VIRMA: variants seen among roughly 807,000 people sequenced by gnomAD.
VIRMA encodes the protein vir like m6A methyltransferase associated, also known as protein virilizer homolog.
A neutral mutation model predicts 182.4 loss-of-function variants in VIRMA; 65 were observed. That is an observed-to-expected ratio of 0.36 (90% CI 0.29 to 0.44). VIRMA has a LOEUF of 0.44. Ranked by LOEUF, VIRMA falls within the 20% of genes least tolerant of loss-of-function variation. The pLI, the probability that VIRMA is intolerant of heterozygous loss-of-function variation, is 1.00. For synonymous variants in VIRMA, 709 were observed against 743.1 expected, an observed-to-expected ratio of 0.95 and a Z score of 0.75; for missense variants, 1,752 against 2,158.1, an observed-to-expected ratio of 0.81 and a Z score of 3.73.
rs1188116705 is a variant in VIRMA at position 94,506,581 on chromosome 8, C to T, written c.4016G>A (p.Ser1339Asn). 2 of 1,613,464 alleles carry T rather than the reference C, an allele frequency of 1.2e-6. No individual in the cohort carries two copies. Among genetic ancestry groups the T allele is most frequent in the East Asian group, 2.2e-5 (1 of 44,846 alleles). Residue 1339 changes from serine (S) to asparagine (N), a missense_variant, in exon 16 of 24, where the codon AGC becomes AAC. Ser to Asn is a conservative substitution (Grantham distance 46). Coordinates refer to ENST00000297591, the MANE Select transcript of VIRMA (RefSeq NM_015496.5). ...CLLATLANSE[S>N]SYNCLLTCVR... is the part of the protein sequence containing the mutation. ...ACATGTCAGTAAACAGTTGTAACTG[C>T]TCTCAGAGTTAGCTAGCGTAGCCAA...
At chr8:94,502,362 C>T (rs10956915) in intron 16 of VIRMA, among the ~76,000 whole-genome samples, 35,922 of 151,452 alleles carry the variant, frequency 0.24, 5,293 homozygotes, top group East Asian at 0.5. Flanking sequence ...GACAAAAACA[C>T]CCACCAAGTA....
chr8:94,530,879 C>G, intron 6 of VIRMA, 84 bp downstream of exon 6: 2 of 1,461,734 alleles, frequency 1.4e-6, no homozygotes, highest in Non-Finnish European at 9.2e-7. Flanking sequence ...CCACCCTGGG[C>G]AACAGAGTGA....
At chr8:94,512,200 C>G (rs919881378) in intron 11 of VIRMA, 111 bp from the exon 12 acceptor site, 2 of 382,038 alleles carry the variant, frequency 5.2e-6, no homozygotes, top group Non-Finnish European at 9.3e-6. Flanking sequence ...TAAGAACATA[C>G]AATATTTTAT....
chr8:94,529,010 A>C (rs1815064972), intron 7 of VIRMA, 60 bp downstream of exon 7: 4 of 1,579,994 alleles, frequency 2.5e-6, no homozygotes, highest in Middle Eastern at 1.7e-4. Context: ...GCATTTTTCA[A>C]AGCTGTATCG....
chr8:94,541,564 T>C, intron 2 of VIRMA, among the ~76,000 whole-genome samples: 1 of 152,048 alleles, frequency 6.6e-6, no homozygotes, highest in South Asian at 2.1e-4. Flanking sequence ...TTTTTTAAGA[T>C]GGAGTCTCGC....
chr8:94,492,562 G>A (rs577109835), intron 21 of VIRMA, 90 bp downstream of exon 21: 60 of 1,154,226 alleles, frequency 5.2e-5, no homozygotes, highest in African/African-American at 1.9e-4. Flanking sequence ...GTGAGCCACC[G>A]CGCTCGGCCG....
intron 19 of VIRMA, 143 bp downstream of exon 19, chr8:94,495,588 A>G: frequency 4.0e-6 from 2 of 495,000 alleles, no homozygotes; most frequent in Non-Finnish European, 6.9e-6. Flanking sequence ...AAAGAAGAAT[A>G]CACAACAGAG....
In VIRMA at chr8:94,496,442, C is replaced by T. The variant is rs776203727; in HGVS notation, c.4269G>A (p.Glu1423=). ...TCATCGTCCGTGATGTATGAGCTCC[C>T]TCTACTTCCATGAGACCATTATCAT... ...CGDDNGLMEV[E]GAHTSRTMSI... Residue 1423 remains glutamate, a synonymous_variant, in exon 18 of 24, where the codon GAG becomes GAA. Coordinates refer to ENST00000297591, the MANE Select transcript of VIRMA (RefSeq NM_015496.5). 5 of 1,613,326 alleles carry T rather than the reference C, an allele frequency of 3.1e-6. No homozygotes were observed. In the South Asian group the frequency reaches 5.5e-5, roughly 18 times the overall value.
chr8:94,501,305 T>G (rs1364542167), intron 16 of VIRMA, among the ~76,000 whole-genome samples: 2 of 89,512 alleles, frequency 2.2e-5, no homozygotes, highest in African/African-American at 9.2e-5. Flanking sequence ...AGGGAAAAAA[T>G]AAGAATGCAG....
rs1563473357 is a variant in VIRMA at position 94,527,155 on chromosome 8, G to C, written c.1089C>G (p.Ile363Met). Residue 363 changes from isoleucine (I) to methionine (M), a missense_variant, in exon 8 of 24, where the codon ATC (isoleucine) becomes ATG (methionine). Transcript: ENST00000297591. Reference sequence around the variant, plus strand: ...CTGGACCTTGATCCTTCATTCTACTGATTTCAATTTCAAAAGTAGTCTTGT... The same window carrying C: ...CTGGACCTTGATCCTTCATTCTACTCATTTCAATTTCAAAAGTAGTCTTGT... ...CPYKTTFEIE[I>M]SRMKDQGPDK... The C allele has an allele frequency of 1.2e-6, 2 of 1,613,996 alleles. No homozygotes were observed. The highest frequency in any genetic ancestry group is 2.7e-5 in the African/African-American group (2 of 74,992).
chr8:94,547,108 G>T (rs1227169191), intron 1 of VIRMA: 1 of 430,510 alleles, frequency 2.3e-6, no homozygotes, highest in East Asian at 7.0e-5. Context: ...TTATCTAGCT[G>T]AATTGTAATT....
rs375911510 is a variant in VIRMA, at chr8:94,550,875, C to T, written c.63+2510G>A. Among the ~76,000 whole-genome samples, 7 of 152,180 alleles carry T rather than the reference C, an allele frequency of 4.6e-5. No individual in the cohort carries two copies. The East Asian group carries it at 5.8e-4, about 13-fold the overall frequency. On this transcript the variant is annotated intron_variant, in intron 1 of 23. Transcript: ENST00000297591. ...CTGGGACTATAGACGCACACCGCCA[C>T]GCCCAGCTAATTTTTTGTATTTTAG... is the stretch of plus-strand genomic sequence containing the variant.
intron 16 of VIRMA, among the ~76,000 whole-genome samples, chr8:94,499,954 G>A (rs1322033136): frequency 6.6e-6 from 1 of 150,872 alleles, no homozygotes; most frequent in Non-Finnish European, 1.5e-5. Context: ...GAGGAGGTGA[G>A]GCAGAAGAAT....
intron 4 of VIRMA, among the ~76,000 whole-genome samples, chr8:94,536,309 C>G (rs1475056954): frequency 6.6e-6 from 1 of 152,070 alleles, no homozygotes; most frequent in Non-Finnish European, 1.5e-5. Flanking sequence ...GATTTAATAC[C>G]CATCCCCCCC....
At chr8:94,496,758 A>T (rs1056918075) in intron 17 of VIRMA, 1 of 289,274 alleles carries the variant, frequency 3.5e-6, no homozygotes, top group African/African-American at 2.2e-5. Context: ...CAGTTGTAGG[A>T]CGTGACACAC....
chr8:94,550,790 C>G (rs1234899335), intron 1 of VIRMA, among the ~76,000 whole-genome samples: 1 of 152,094 alleles, frequency 6.6e-6, no homozygotes, highest in African/African-American at 2.4e-5. Flanking sequence ...GTGATCTTGG[C>G]TCACAGCAAC....
chr8:94,507,891 A>ATGTATATATATGTATATG (rs1563461444), intron 15 of VIRMA, among the ~76,000 whole-genome samples: 9 of 129,600 alleles, frequency 6.9e-5, no homozygotes, highest in Non-Finnish European at 1.4e-4. Context: ...ACATGTATAT[A>ATGTATATATATGTATATG]TGTATATATA....
chr8:94,531,503 G>A (rs573758455), intron 5 of VIRMA, among the ~76,000 whole-genome samples: 166 of 151,992 alleles, frequency 1.1e-3, no homozygotes, highest in African/African-American at 3.4e-3. Flanking sequence ...TAATAACATC[G>A]GAATTTCTGA....
intron 1 of VIRMA, among the ~76,000 whole-genome samples, chr8:94,551,749 G>T (rs372390486): frequency 5.9e-5 from 9 of 152,144 alleles, no homozygotes; most frequent in East Asian, 5.8e-4. Flanking sequence ...TTTCGAGACA[G>T]GGTCTCACTC....
Sources: allele counts gnomAD v4.1 joint callset (sites outside exome capture counted in the v4.1 genomes callset), GRCh38; gene constraint gnomAD v4.1.1; transcripts MANE v1.5; gene names NCBI Gene and HGNC (gene_info 2026-07-23, HGNC 2026-07-21).